Variants in CPQ observed in about 807,000 individuals in gnomAD.
CPQ encodes the protein carboxypeptidase Q.
In CPQ, 37 loss-of-function variants were observed where a neutral mutation model predicts 45.7. That is an observed-to-expected ratio of 0.81 (90% CI 0.62 to 1.07). CPQ has a LOEUF of 1.07. Ranked by LOEUF, CPQ falls within the 50% of genes least tolerant of loss-of-function variation. CPQ has a pLI of 0.00. For missense variants in CPQ, 537 were observed against 572.9 expected, an observed-to-expected ratio of 0.94 and a Z score of 0.64; for synonymous variants, 186 against 205.8, an observed-to-expected ratio of 0.90 and a Z score of 0.82.
chr8:96,651,647 G>T (rs954301022), intron 1 of CPQ, among the ~76,000 whole-genome samples: 1 of 152,032 alleles, frequency 6.6e-6, no homozygotes, highest in African/African-American at 2.4e-5. Context: ...TATAACTAAT[G>T]AGGTTGAATA....
intron 4 of CPQ, among the ~76,000 whole-genome samples, chr8:96,955,918 A>C (rs1301997938): frequency 2.0e-5 from 3 of 152,120 alleles, no homozygotes; most frequent in African/African-American, 7.2e-5. Context: ...AACCATAAAA[A>C]CCCTAGGAGA....
chr8:96,852,197 C>A (rs1811779678), intron 3 of CPQ, among the ~76,000 whole-genome samples: 1 of 152,228 alleles, frequency 6.6e-6, no homozygotes, highest in African/African-American at 2.4e-5. Context: ...TTGCCCTTGC[C>A]TGTTACTGAA....
intron 1 of CPQ, among the ~76,000 whole-genome samples, chr8:96,718,615 G>C (rs1809717447): frequency 6.6e-6 from 1 of 152,094 alleles, no homozygotes; most frequent in Admixed American, 6.5e-5. Flanking sequence ...CCACAGCGTG[G>C]AAGGGGACCC....
At chr8:96,740,352 G>A (rs1394247308) in intron 1 of CPQ, among the ~76,000 whole-genome samples, 2 of 152,178 alleles carry the variant, frequency 1.3e-5, no homozygotes, top group Non-Finnish European at 2.9e-5. Context: ...TCAGCTTAAG[G>A]AGGTTTTGGG....
intron 3 of CPQ, among the ~76,000 whole-genome samples, chr8:96,843,693 A>G (rs192555352): frequency 1.0e-3 from 152 of 152,364 alleles, no homozygotes; most frequent in Non-Finnish European, 1.9e-3. Flanking sequence ...AGCTGGAAGC[A>G]GCACATCCCT....
chr8:96,891,377 C>T (rs1305715367), intron 4 of CPQ, among the ~76,000 whole-genome samples: 5 of 152,176 alleles, frequency 3.3e-5, no homozygotes, highest in Admixed American at 1.3e-4. Flanking sequence ...GGTGCCATAT[C>T]GAGGGCTCAG....
chr8:96,791,458 C>T (rs527559036), intron 2 of CPQ, among the ~76,000 whole-genome samples: 1 of 152,204 alleles, frequency 6.6e-6, no homozygotes, highest in African/African-American at 2.4e-5. Context: ...TCTTTCCTGG[C>T]TACCTGCCTG....
intron 6 of CPQ, among the ~76,000 whole-genome samples, chr8:97,039,159 C>A (rs562756101): frequency 6.6e-6 from 1 of 152,328 alleles, no homozygotes; most frequent in Admixed American, 6.5e-5. Flanking sequence ...CTGAGCCACA[C>A]AACAGGCATA....
rs199571142 is a variant in CPQ at position 96,800,566 on chromosome 8, T to C, written c.433+15236T>C. On this transcript the variant is annotated intron_variant, in intron 2 of 7. Coordinates refer to ENST00000220763, the MANE Select transcript of CPQ (RefSeq NM_016134.4). Reference sequence around the variant, plus strand: ...TAGCAGTATTTATGGGGGCAAGATCTATGTGGGAGAGTGGACATATAAAAT... The same window carrying C: ...TAGCAGTATTTATGGGGGCAAGATCCATGTGGGAGAGTGGACATATAAAAT... 1.1e-4 allele frequency among the ~76,000 whole-genome samples: 17 copies of C among 152,324 alleles called. 1 individual carries two copies. The East Asian group carries it at 3.3e-3, about 29-fold the overall frequency.
chr8:97,039,535 A>C (rs1361589488), intron 6 of CPQ, among the ~76,000 whole-genome samples: 6 of 151,050 alleles, frequency 4.0e-5, no homozygotes, highest in African/African-American at 1.5e-4. Context: ...CACAATGTGC[A>C]GGTTAGTTAC....
At chr8:96,652,885 C>T (rs892743036) in intron 1 of CPQ, among the ~76,000 whole-genome samples, 7 of 152,230 alleles carry the variant, frequency 4.6e-5, no homozygotes, top group African/African-American at 1.7e-4. Context: ...CCGCCCGCCT[C>T]AGCCTCCCAA....
chr8:96,785,380 C>T, intron 2 of CPQ, 50 bp downstream of exon 2: 1 of 1,435,648 alleles, frequency 7.0e-7, no homozygotes, highest in Non-Finnish European at 9.5e-7. Flanking sequence ...ACTAATGTCC[C>T]TTGGTGTAAT....
intron 1 of CPQ, among the ~76,000 whole-genome samples, chr8:96,777,464 C>T (rs773217567): frequency 5.9e-5 from 9 of 151,870 alleles, no homozygotes; most frequent in African/African-American, 1.2e-4. Context: ...CTTCACTACC[C>T]GCTGTCTCCT....
chr8:97,137,266 G>A (rs1297249664), intron 7 of CPQ, among the ~76,000 whole-genome samples: 2 of 152,088 alleles, frequency 1.3e-5, no homozygotes, highest in Non-Finnish European at 2.9e-5. Context: ...TTTTAAATAT[G>A]GAATTTGGAG....
At chr8:97,104,472 A>C (rs983866950) in intron 7 of CPQ, among the ~76,000 whole-genome samples, 3 of 152,170 alleles carry the variant, frequency 2.0e-5, no homozygotes, top group Non-Finnish European at 4.4e-5. Context: ...TTGAGGTAAG[A>C]GTTGCCTGCT....
chr8:97,124,863 A>T (rs1811818804), intron 7 of CPQ, among the ~76,000 whole-genome samples: 1 of 152,202 alleles, frequency 6.6e-6, no homozygotes, highest in African/African-American at 2.4e-5. Context: ...CCACATTAAG[A>T]AGCTAACAAC....
At chr8:96,998,104 C>T (rs536870595) in intron 5 of CPQ, among the ~76,000 whole-genome samples, 24 of 151,908 alleles carry the variant, frequency 1.6e-4, no homozygotes, top group Admixed American at 1.4e-3. Flanking sequence ...TATCATACCA[C>T]GCCATGCTAC....
At chr8:97,134,353 G>A (rs1317950066) in intron 7 of CPQ, among the ~76,000 whole-genome samples, 1 of 152,214 alleles carries the variant, frequency 6.6e-6, no homozygotes, top group Non-Finnish European at 1.5e-5. Flanking sequence ...AGAAAAAGAA[G>A]CAGCAGCATG....
chr8:97,059,745 G>A (rs1045705249), intron 6 of CPQ, among the ~76,000 whole-genome samples: 1 of 152,154 alleles, frequency 6.6e-6, no homozygotes, highest in Non-Finnish European at 1.5e-5. Context: ...CACACACATT[G>A]TAAGATGATT....
Sources: allele counts gnomAD v4.1 joint callset (sites outside exome capture counted in the v4.1 genomes callset), GRCh38; gene constraint gnomAD v4.1.1; transcripts MANE v1.5; gene names NCBI Gene and HGNC (gene_info 2026-07-23, HGNC 2026-07-21).